RCSD1: variants seen among roughly 807,000 people sequenced by gnomAD.
The protein encoded by RCSD1 is RCSD domain containing 1.
In RCSD1, 26 loss-of-function variants were observed where a neutral mutation model predicts 42.5. That is an observed-to-expected ratio of 0.61 (90% CI 0.45 to 0.85). The LOEUF is 0.85. RCSD1 is among the 40% of genes least tolerant of loss of function. The pLI, the probability that RCSD1 is intolerant of heterozygous loss-of-function variation, is 0.00. For synonymous variants in RCSD1, 220 were observed against 212.2 expected (o/e 1.04, Z -0.32); for missense variants, 571 against 528.3 (o/e 1.08, Z -0.79).
At position 167,697,244 on chromosome 1, in the gene RCSD1, T is replaced by C; in HGVS notation, c.620T>C (p.Leu207Ser). 1 of 1,614,148 alleles carries C rather than the reference T, an allele frequency of 6.2e-7. No homozygotes were observed. Among genetic ancestry groups the C allele is most frequent in the Non-Finnish European group, 8.5e-7 (1 of 1,180,028 alleles). ...AAGGAAGAGGATGGGGATGAAGTGTTGCCATCCAAGAGCAAGGCCCCAGGA... is the reference window on the plus strand; with the variant it reads ...AAGGAAGAGGATGGGGATGAAGTGTCGCCATCCAAGAGCAAGGCCCCAGGA... ...GAKEEDGDEVLPSKSKAPGSP... is the reference protein window; with the variant it reads ...GAKEEDGDEVSPSKSKAPGSP... The change falls in exon 6 of 7, where the codon TTG becomes TCG. Residue 207 changes from leucine to serine, a missense_variant. Coordinates refer to ENST00000367854, the MANE Select transcript of RCSD1 (RefSeq NM_052862.4).
Position 167,697,516 on chromosome 1 carries a change from A to G in RCSD1, c.892A>G (p.Ser298Gly). The G allele has an allele frequency of 1.2e-6, 2 of 1,606,352 alleles. No individual in the cohort carries two copies. Among genetic ancestry groups the G allele is most frequent in the Non-Finnish European group, 1.7e-6 (2 of 1,176,548 alleles). Reference protein sequence around the residue: ...SGPEAENRCGSPREEKPAGEE... With the variant: ...SGPEAENRCGGPREEKPAGEE... ...CCCAGAGGCAGAAAATAGGTGTGGG[A>G]GCCCCAGGGAGGAAAAGCCAGCTGG... The change falls in exon 6 of 7, where the codon AGC (serine) becomes GGC (glycine). Residue 298 changes from serine to glycine, a missense_variant. By Grantham distance (56) the Ser-to-Gly change is moderately conservative. Transcript: ENST00000367854.
At chr1:167,642,125 T>G (rs748505212) in intron 1 of RCSD1, 2 of 152,210 alleles carry the variant, frequency 1.3e-5, no homozygotes, top group African/African-American at 2.4e-5. Context: ...ACTATCCACA[T>G]GGCTCCAATT....
At chr1:167,691,187 T>C (rs1251535264) in intron 4 of RCSD1, among the ~76,000 whole-genome samples, 1 of 152,186 alleles carries the variant, frequency 6.6e-6, no homozygotes, top group South Asian at 2.1e-4. Flanking sequence ...TTGATGCCAG[T>C]AGCACTCTCC....
At chr1:167,701,553 A>G (rs1571111949) in intron 6 of RCSD1, among the ~76,000 whole-genome samples, 1 of 151,806 alleles carries the variant, frequency 6.6e-6, no homozygotes, top group African/African-American at 2.4e-5. Context: ...TGATCTGCCC[A>G]CCTCAGCCTC....
At chr1:167,696,525 C>T (rs1571106475) in intron 5 of RCSD1, among the ~76,000 whole-genome samples, 1 of 151,282 alleles carries the variant, frequency 6.6e-6, no homozygotes, top group East Asian at 1.9e-4. Flanking sequence ...GATGACAGCT[C>T]ACTGCAGCCT....
chr1:167,676,209 G>A (rs192079431), intron 1 of RCSD1, among the ~76,000 whole-genome samples: 7 of 152,334 alleles, frequency 4.6e-5, no homozygotes, highest in East Asian at 1.9e-4. Flanking sequence ...GTAGAGCTGG[G>A]ATTTGAACCC....
intron 1 of RCSD1, among the ~76,000 whole-genome samples, chr1:167,678,530 T>A (rs1040432358): frequency 2.0e-5 from 3 of 152,114 alleles, no homozygotes; most frequent in African/African-American, 7.2e-5. Flanking sequence ...CCCAGCAGCC[T>A]GACCTTCAAA....
intron 1 of RCSD1, among the ~76,000 whole-genome samples, chr1:167,635,914 A>G (rs1017368171): frequency 2.0e-5 from 3 of 152,200 alleles, no homozygotes; most frequent in African/African-American, 7.2e-5. Flanking sequence ...CAGAAGTAAG[A>G]CAGAAGGATG....
chr1:167,687,295 T>C (rs1458867850), intron 3 of RCSD1, among the ~76,000 whole-genome samples: 3 of 151,940 alleles, frequency 2.0e-5, no homozygotes, highest in Admixed American at 6.6e-5. Flanking sequence ...GAGGCCGAGG[T>C]GGGCGGATCA....
intron 1 of RCSD1, among the ~76,000 whole-genome samples, chr1:167,670,524 C>T (rs1433508905): frequency 6.6e-6 from 1 of 152,178 alleles, no homozygotes; most frequent in Non-Finnish European, 1.5e-5. Context: ...GCCTCTTCAT[C>T]CCAGCACCCT....
At chr1:167,665,335 G>A (rs1229370) in intron 1 of RCSD1, among the ~76,000 whole-genome samples, 32,206 of 151,778 alleles carry the variant, frequency 0.21, 3,880 homozygotes, top group Non-Finnish European at 0.26. Context: ...CATAATGTAC[G>A]TATAACACAA....
intron 1 of RCSD1, among the ~76,000 whole-genome samples, chr1:167,674,891 A>G (rs1571695181): frequency 6.6e-6 from 1 of 152,156 alleles, no homozygotes; most frequent in Non-Finnish European, 1.5e-5. Flanking sequence ...ACATTGTATT[A>G]GTCTGTTCTC....
intron 1 of RCSD1, among the ~76,000 whole-genome samples, chr1:167,642,784 C>CT (rs1368421979): frequency 2.6e-5 from 4 of 152,176 alleles, no homozygotes; most frequent in Admixed American, 2.0e-4. Context: ...TTATATAACA[C>CT]TTAGAATCAC....
chr1:167,672,772 C>A (rs760516379), intron 1 of RCSD1, among the ~76,000 whole-genome samples: 2 of 152,172 alleles, frequency 1.3e-5, no homozygotes, highest in Non-Finnish European at 1.5e-5. Flanking sequence ...ATGAGGACAT[C>A]TTTGAGGGCC....
At chr1:167,689,971 T>TGC in intron 3 of RCSD1, 78 bp from the exon 4 acceptor site, 2 of 1,366,388 alleles carry the variant, frequency 1.5e-6, no homozygotes, top group East Asian at 4.6e-5. Flanking sequence ...TCCTTCTGCC[T>TGC]GTGGCTTTTG....
chr1:167,630,681 T>C (rs1309006379), intron 1 of RCSD1: 1 of 212,608 alleles, frequency 4.7e-6, no homozygotes, highest in African/African-American at 2.6e-5. Flanking sequence ...GAAAAGGGCT[T>C]TCCTAGAGGC....
chr1:167,679,423 A>G (rs1162136674), intron 1 of RCSD1, among the ~76,000 whole-genome samples: 1 of 152,254 alleles, frequency 6.6e-6, no homozygotes, highest in Non-Finnish European at 1.5e-5. Context: ...ACATTGGGAT[A>G]CATTGAAGAA....
chr1:167,678,797 C>A lies in RCSD1; in HGVS notation c.7-5103C>A, dbSNP rs535632399. 8.9e-4 allele frequency among the ~76,000 whole-genome samples: 135 copies of A among 152,310 alleles called. 1 individual carries two copies. The highest frequency in any genetic ancestry group is 3.1e-3 in the African/African-American group (129 of 41,556). On this transcript the variant is annotated intron_variant, in intron 1 of 6. Transcript: ENST00000367854. Reference sequence around the variant, plus strand: ...CACACTACCACTCGCATCTTCCCGCCCCCTCTTGTTGTCCCTGCCACCCTT... The same window carrying A: ...CACACTACCACTCGCATCTTCCCGCACCCTCTTGTTGTCCCTGCCACCCTT...
At position 167,630,288 on chromosome 1, in the gene RCSD1, C is replaced by T; in HGVS notation, c.-136C>T. 3 of 975,564 alleles carry T rather than the reference C, an allele frequency of 3.1e-6. No individual in the cohort carries two copies. The highest frequency in any genetic ancestry group is 2.7e-6 in the Non-Finnish European group (2 of 751,504). The allele number at this position is 975,564 out of a possible 1,614,324, so 60.4% of individuals were successfully genotyped here. ...TCCCGCAGCCGAGCGCAGCCGGGCG[C>T]GCGCCACCGCCCACTCGCCCTGTGC... On this transcript the variant is annotated 5_prime_UTR_variant, in exon 1 of 7. Coordinates refer to ENST00000367854, the MANE Select transcript of RCSD1 (RefSeq NM_052862.4).
Sources: allele counts gnomAD v4.1 joint callset (sites outside exome capture counted in the v4.1 genomes callset), GRCh38; gene constraint gnomAD v4.1.1; transcripts MANE v1.5; gene names NCBI Gene and HGNC (gene_info 2026-07-23, HGNC 2026-07-21).